Variants in ARMH3 observed in about 807,000 individuals in gnomAD.
The protein encoded by ARMH3 is armadillo like helical domain containing 3.
A neutral mutation model predicts 99.1 loss-of-function variants in ARMH3; 60 were observed. The observed-to-expected ratio is 0.61, with a 90% CI of 0.49 to 0.75. The LOEUF (loss-of-function observed/expected upper bound fraction) is 0.75, where lower values mean the gene tolerates loss of function less well. Ranked by LOEUF, ARMH3 falls within the 30% of genes least tolerant of loss-of-function variation. The pLI is 0.00. For synonymous variants in ARMH3, 285 were observed against 292.8 expected, an observed-to-expected ratio of 0.97 and a Z score of 0.27; for missense variants, 679 against 843.1, an observed-to-expected ratio of 0.81 and a Z score of 2.41.
chr10:101,941,127 C>G (rs1347524569), intron 22 of ARMH3, among the ~76,000 whole-genome samples: 2 of 152,130 alleles, frequency 1.3e-5, no homozygotes, highest in Non-Finnish European at 2.9e-5. Flanking sequence ...AGTAATGGAG[C>G]TGGAATTCAA....
At chr10:101,995,232 G>A (rs1847001268) in intron 16 of ARMH3, 65 bp downstream of exon 16, 3 of 1,361,390 alleles carry the variant, frequency 2.2e-6, no homozygotes, top group Non-Finnish European at 3.1e-6. Context: ...ATGGGGTGAG[G>A]GGAGGCAGGG....
chr10:101,930,793 G>A (rs1843691878), intron 23 of ARMH3, among the ~76,000 whole-genome samples: 1 of 152,170 alleles, frequency 6.6e-6, no homozygotes, highest in Non-Finnish European at 1.5e-5. Context: ...GGGCTGATAA[G>A]ATTCCCAGAC....
intron 24 of ARMH3, among the ~76,000 whole-genome samples, chr10:101,862,369 A>G (rs569420495): frequency 6.6e-6 from 1 of 152,158 alleles, no homozygotes; most frequent in African/African-American, 2.4e-5. Flanking sequence ...TTGAGGTCAG[A>G]AGTTCGAGAC....
intron 22 of ARMH3, among the ~76,000 whole-genome samples, chr10:101,946,099 A>AAAAAAAAAAAAAAAAAAAAAAAAAC (rs1844517312): frequency 7.6e-6 from 1 of 131,046 alleles, no homozygotes; most frequent in African/African-American, 2.8e-5. Context: ...AAAAAAAAAA[A>AAAAAAAAAAAAAAAAAAAAAAAAAC]AAAAGTCCAG....
In ARMH3 at chr10:102,051,199, G is replaced by A. The variant is rs564593316; in HGVS notation, c.-12+4886C>T. On this transcript the variant is annotated intron_variant, in intron 1 of 25. Transcript: ENST00000370033. ...AGAAAGAAAGAAAAGTCAAGTGGGC[G>A]CAGTGGCTCATGCCTGTAATATCAG... is the stretch of plus-strand genomic sequence containing the variant. 9.3e-5 allele frequency among the ~76,000 whole-genome samples: 14 copies of A among 149,960 alleles called. No individual in the cohort carries two copies. The South Asian group carries it at 1.7e-3, about 18-fold the overall frequency.
intron 23 of ARMH3, among the ~76,000 whole-genome samples, chr10:101,901,677 T>C (rs1479159826): frequency 6.6e-6 from 1 of 152,066 alleles, no homozygotes; most frequent in African/African-American, 2.4e-5. Context: ...GAAGCCTGGG[T>C]GTGGATACTG....
chr10:102,051,141 G>A (rs1459716000), intron 1 of ARMH3, among the ~76,000 whole-genome samples: 2 of 143,680 alleles, frequency 1.4e-5, no homozygotes, highest in Admixed American at 7.2e-5. Context: ...CTGGGCGACA[G>A]AGCAAGACTC....
intron 5 of ARMH3, chr10:102,029,382 A>G: frequency 7.5e-7 from 1 of 1,329,874 alleles, no homozygotes. Context: ...GTATGATCAT[A>G]TGATACGAGT....
chr10:101,927,210 G>A (rs957517474), intron 23 of ARMH3, among the ~76,000 whole-genome samples: 2 of 152,184 alleles, frequency 1.3e-5, no homozygotes, highest in African/African-American at 4.8e-5. Context: ...AAAAATTAAA[G>A]TTAATTTATC....
At chr10:101,973,846 G>A (rs147683853) in intron 20 of ARMH3, among the ~76,000 whole-genome samples, 1 of 152,324 alleles carries the variant, frequency 6.6e-6, no homozygotes, top group African/African-American at 2.4e-5. Context: ...CATAAACCAT[G>A]TGTACTTATT....
At chr10:101,994,151 T>C (rs1161902431) in intron 16 of ARMH3, among the ~76,000 whole-genome samples, 8 of 152,216 alleles carry the variant, frequency 5.3e-5, no homozygotes. Flanking sequence ...CCTCTTACCA[T>C]GGATTAGTAA....
chr10:101,876,886 G>C (rs968018631), intron 24 of ARMH3, among the ~76,000 whole-genome samples: 2 of 152,094 alleles, frequency 1.3e-5, no homozygotes, highest in Non-Finnish European at 2.9e-5. Flanking sequence ...AAGAAAGCAA[G>C]GACTCCTGTC....
chr10:101,930,138 T>TC (rs1022357912), intron 23 of ARMH3, among the ~76,000 whole-genome samples: 1 of 152,258 alleles, frequency 6.6e-6, no homozygotes, highest in East Asian at 1.9e-4. Flanking sequence ...GTAGGATTTA[T>TC]CCCAGGAATG....
intron 1 of ARMH3, among the ~76,000 whole-genome samples, chr10:102,053,980 G>A (rs1181952681): frequency 1.3e-5 from 2 of 152,106 alleles, no homozygotes; most frequent in African/African-American, 2.4e-5. Context: ...ATATATCCTG[G>A]ATCAATTTTT....
intron 23 of ARMH3, among the ~76,000 whole-genome samples, chr10:101,900,621 A>C (rs1276126303): frequency 6.6e-6 from 1 of 152,216 alleles, no homozygotes; most frequent in African/African-American, 2.4e-5. Flanking sequence ...AAGACACTTA[A>C]ATTTTAAGCA....
chr10:102,023,866 T>C, intron 6 of ARMH3, 117 bp from the exon 7 acceptor site: 1 of 948,888 alleles, frequency 1.1e-6, no homozygotes, highest in Non-Finnish European at 1.6e-6. Flanking sequence ...ACTAGATAAC[T>C]TAGCTGACCT....
intron 5 of ARMH3, among the ~76,000 whole-genome samples, chr10:102,026,791 C>T (rs146678549): frequency 2.7e-4 from 41 of 152,182 alleles, no homozygotes; most frequent in Middle Eastern, 3.4e-3. Context: ...TACACACTAG[C>T]GTAAGATATA....
intron 20 of ARMH3, among the ~76,000 whole-genome samples, 163 bp downstream of exon 20, chr10:101,975,049 T>TAAAA (rs11399489): frequency 7.1e-4 from 21 of 29,664 alleles, no homozygotes; most frequent in African/African-American, 1.5e-3. Flanking sequence ...AGCTAAAACG[T>TAAAA]AAAAAAAAAA....
chr10:101,924,316 A>C (rs1347971007), intron 23 of ARMH3, among the ~76,000 whole-genome samples: 1 of 151,658 alleles, frequency 6.6e-6, no homozygotes, highest in East Asian at 1.9e-4. Context: ...GAAGGGTGAG[A>C]TTTTAGATAA....
Sources: allele counts gnomAD v4.1 joint callset (sites outside exome capture counted in the v4.1 genomes callset), GRCh38; gene constraint gnomAD v4.1.1; transcripts MANE v1.5; gene names NCBI Gene and HGNC (gene_info 2026-07-23, HGNC 2026-07-21).